Variants in ABCA7 observed in about 807,000 individuals in gnomAD.
ABCA7 encodes the protein ATP binding cassette subfamily A member 7.
Under a neutral mutation model 227.6 loss-of-function variants are expected in ABCA7, and 261 were observed. The ratio of observed to expected loss-of-function variants is 1.15; its 90% CI spans 1.04 to 1.27. The LOEUF is 1.27. Among genes scored for constraint, ABCA7 ranks in the 50% most tolerant of loss-of-function variants. The pLI is 0.00. For missense variants in ABCA7, 3,331 were observed against 2,924.5 expected, an observed-to-expected ratio of 1.14 and a Z score of -3.21; for synonymous variants, 1,488 against 1,279.7, an observed-to-expected ratio of 1.16 and a Z score of -3.47.
rs775847234 is a variant in ABCA7 at position 1,048,952 on chromosome 19, G to C, written c.2327G>C (p.Gly776Ala). The C allele has an allele frequency of 2.2e-5, 35 of 1,609,712 alleles. No individual in the cohort carries two copies. Among genetic ancestry groups the C allele is most frequent in the Non-Finnish European group, 2.7e-5 (32 of 1,178,456 alleles). Residue 776 changes from glycine (G) to alanine (A), a missense_variant, in exon 17 of 47, where the codon GGA becomes GCA. Coordinates refer to ENST00000263094, the MANE Select transcript of ABCA7 (RefSeq NM_019112.4). ...NFPFRRSYWC[G>A]PRPPKSPAPC... ...CCTTTTCGGAGGAGCTACTGGTGCG[G>C]ACCTCGGCCCCCCAAGAGTCCAGCC...
chr19:1,058,710 A>T lies in ABCA7; in HGVS notation c.5242A>T (p.Thr1748Ser), dbSNP rs1436697541. The T allele has an allele frequency of 6.2e-7, 1 of 1,613,626 alleles. No homozygotes were observed. Among genetic ancestry groups the T allele is most frequent in the East Asian group, 2.2e-5 (1 of 44,880 alleles). The change falls in exon 38 of 47, where the codon ACA becomes TCA. Residue 1748 changes from threonine to serine, a missense_variant. Coordinates refer to ENST00000263094, the MANE Select transcript of ABCA7 (RefSeq NM_019112.4). ...VIQGPLFLLFTLLLQHRSQLL... is the reference protein window; with the variant it reads ...VIQGPLFLLFSLLLQHRSQLL... ...ACAGGGGCCCCTCTTCCTTCTCTTC[A>T]CACTACTGCTGCAGCACCGAAGCCA...
rs2041947059 is a variant in ABCA7 at position 1,053,364 on chromosome 19, G to A, written c.3256G>A (p.Val1086Met). The change falls in exon 24 of 47, where the codon GTG becomes ATG. Residue 1086 changes from valine to methionine, a missense_variant. Physicochemically the swap from Val to Met is conservative, Grantham distance 21. Coordinates refer to ENST00000263094, the MANE Select transcript of ABCA7 (RefSeq NM_019112.4). ...GCTGCTGGCCCTGGTACAGCACTGG[G>A]TGCCCGGGGCACGGCTGGTGGAGGA... ...PQLLALVQHW[V>M]PGARLVEELP... 2.5e-6 allele frequency: 4 copies of A among 1,609,628 alleles called. 1 individual carries two copies. In the South Asian group the frequency reaches 4.4e-5, roughly 18 times the overall value.
chr19:1,061,721 C>A, intron 40 of ABCA7, 61 bp from the exon 41 acceptor site: 589 of 1,175,848 alleles, frequency 5.0e-4, no homozygotes, highest in Non-Finnish European at 6.3e-4. Context: ...AAAAAGAAAT[C>A]AGAGATGCCG....
rs751167421 is a variant in ABCA7, at chr19:1,058,613, C to T, written c.5150-5C>T. 1.2e-5 allele frequency: 20 copies of T among 1,613,560 alleles called. No homozygotes were observed. Among genetic ancestry groups the T allele is most frequent in the Non-Finnish European group, 1.5e-5 (18 of 1,179,938 alleles). ...GGACCCAGTCCCTCCTTTCTATATC[C>T]ACAGGAGACAGGCAGTTCCAGTCAC... On this transcript the variant is annotated splice_polypyrimidine_tract_variant and splice_region_variant and intron_variant, in intron 37 of 46. Coordinates refer to ENST00000263094, the MANE Select transcript of ABCA7 (RefSeq NM_019112.4).
intron 18 of ABCA7, among the ~76,000 whole-genome samples, chr19:1,050,081 T>G (rs886550771): frequency 2.6e-4 from 39 of 148,182 alleles, no homozygotes; most frequent in Admixed American, 2.4e-3. Context: ...ATGGCGCCAC[T>G]GCACTCCAGC....
chr19:1,057,883 G>C, intron 35 of ABCA7, 32 bp from the exon 36 acceptor site: 1 of 1,613,078 alleles, frequency 6.2e-7, no homozygotes, highest in Non-Finnish European at 8.5e-7. Flanking sequence ...CAGTCTGAGT[G>C]GTTACTCCAG....
chr19:1,051,392 G>A, intron 20 of ABCA7, 57 bp from the exon 21 acceptor site: 1 of 714,432 alleles, frequency 1.4e-6, no homozygotes, highest in Non-Finnish European at 2.0e-6. Flanking sequence ...ACGTGGGTAG[G>A]CAACCTTGCC....
chr19:1,052,411 C>T (rs542292667), intron 23 of ABCA7, 125 bp downstream of exon 23: 37 of 86,810 alleles, frequency 4.3e-4, no homozygotes, highest in Non-Finnish European at 7.4e-4. Flanking sequence ...GAGGTTGAGG[C>T]GGAGGAGGAG....
chr19:1,057,344 G>T lies in ABCA7; in HGVS notation c.4795G>T (p.Val1599Leu). 6.2e-7 allele frequency: 1 copy of T among 1,613,916 alleles called. No homozygotes were observed. Among genetic ancestry groups the T allele is most frequent in the Non-Finnish European group, 8.5e-7 (1 of 1,180,020 alleles). The change falls in exon 35 of 47, where the codon GTG (valine) becomes TTG (leucine). Residue 1599 changes from valine to leucine, a missense_variant. Val to Leu is a conservative substitution (Grantham distance 32, BLOSUM62 1). Coordinates refer to ENST00000263094, the MANE Select transcript of ABCA7 (RefSeq NM_019112.4). ...CTACTTGGTGCCAGCATGCATCGTG[G>T]TGCTCATCTTTCTGGCCTTCCAGCA... ...CNYLVPACIVVLIFLAFQQRA... is the reference protein window; with the variant it reads ...CNYLVPACIVLLIFLAFQQRA...
At position 1,046,285 on chromosome 19, in the gene ABCA7, G is replaced by T. The variant is rs1276745363; in HGVS notation, c.1501G>T (p.Gly501Cys). ...DPLTDLRYVW[G>C]GFVYLQDLVE... ...CCTGACCGACCTGCGCTACGTGTGGGGCGGCTTCGTGTACCTGCAAGACCT... is the reference window on the plus strand; with the variant it reads ...CCTGACCGACCTGCGCTACGTGTGGTGCGGCTTCGTGTACCTGCAAGACCT... Residue 501 changes from glycine to cysteine, a missense_variant, in exon 13 of 47, where the codon GGC becomes TGC. Transcript: ENST00000263094. The T allele has an allele frequency of 6.2e-7, 1 of 1,606,372 alleles. No homozygotes were observed. The highest frequency in any genetic ancestry group is 1.1e-5 in the South Asian group (1 of 91,068).
chr19:1,060,834 A>G (rs2042607186), intron 40 of ABCA7, among the ~76,000 whole-genome samples: 1 of 151,994 alleles, frequency 6.6e-6, no homozygotes, highest in Non-Finnish European at 1.5e-5. Context: ...GTATATCTTT[A>G]CTAAGCACCT....
Position 1,044,686 on chromosome 19 carries a change from G to C in ABCA7, c.1157G>C (p.Trp386Ser), listed in dbSNP as rs1243675683. 6.2e-7 allele frequency: 1 copy of C among 1,612,814 alleles called. No homozygotes were observed. ...GACCCTGGGAGCGGTGGCTACAGCT[G>C]GCAGGACGCACACGCTGATGTGGGG... Reference protein sequence around the residue: ...FLDPGSGGYSWQDAHADVGHL... With the variant: ...FLDPGSGGYSSQDAHADVGHL... Residue 386 changes from tryptophan to serine, a missense_variant, in exon 11 of 47, where the codon TGG becomes TCG. Physicochemically the swap from Trp to Ser is radical, Grantham distance 177 (BLOSUM62 -3). Transcript: ENST00000263094.
In ABCA7 at chr19:1,058,315, A is replaced by C. The variant is rs776743540; in HGVS notation, c.5149+46A>C. 10 of 1,604,380 alleles carry C rather than the reference A, an allele frequency of 6.2e-6. No individual in the cohort carries two copies. The Middle Eastern group carries it at 8.3e-4, about 132-fold the overall frequency. The stretch of plus-strand genomic sequence containing the variant: ...GGGGCCATGGCTACAGATAGCTAGC[A>C]CCCTTGGAGACCTAGAGTTAATTAT... On this transcript the variant is annotated intron_variant, in intron 37 of 46. Transcript: ENST00000263094.
At chr19:1,045,279 G>A (rs199783650) in intron 12 of ABCA7, 48 bp downstream of exon 12, 22 of 1,514,230 alleles carry the variant, frequency 1.5e-5, no homozygotes, top group Non-Finnish European at 1.9e-5. Context: ...GCGGGGCCAA[G>A]AGCGTGGTGG....
chr19:1,050,068 G>A (rs895147847), intron 18 of ABCA7, among the ~76,000 whole-genome samples: 3 of 144,376 alleles, frequency 2.1e-5, no homozygotes, highest in African/African-American at 5.4e-5. Flanking sequence ...CCTGTGAGCA[G>A]TAATGGCGCC....
rs755721075 is a variant in ABCA7, at chr19:1,041,577, C to T, written c.134C>T (p.Ser45Phe). ...LFFILVAVRHSHPPLEHHECH... is the reference protein window; with the variant it reads ...LFFILVAVRHFHPPLEHHECH... Reference sequence around the variant, plus strand: ...TTCATCCTGGTGGCTGTTCGCCACTCCCACCCGCCCCTGGAGCACCATGAA... The same window carrying T: ...TTCATCCTGGTGGCTGTTCGCCACTTCCACCCGCCCCTGGAGCACCATGAA... Residue 45 changes from serine to phenylalanine, a missense_variant, in exon 3 of 47, where the codon TCC becomes TTC. Physicochemically the swap from Ser to Phe is radical, Grantham distance 155. Transcript: ENST00000263094. 1.2e-6 allele frequency: 2 copies of T among 1,612,652 alleles called. No individual in the cohort carries two copies. The highest frequency in any genetic ancestry group is 1.1e-5 in the South Asian group (1 of 91,082).
In ABCA7 at chr19:1,055,280, G is replaced by A. The variant is rs1169974751; in HGVS notation, c.4134G>A (p.Val1378=). ...PPQAVTGSGE[V]VQNLTGRNLS... The stretch of plus-strand genomic sequence containing the variant: ...AGGCAGTGACCGGCTCTGGGGAAGT[G>A]GTTCAGAACCTGACAGGCCGGAACC... Residue 1378 remains valine, a synonymous_variant, in exon 30 of 47, where the codon GTG becomes GTA. Coordinates refer to ENST00000263094, the MANE Select transcript of ABCA7 (RefSeq NM_019112.4). 1 of 1,604,742 alleles carries A rather than the reference G, an allele frequency of 6.2e-7. No individual in the cohort carries two copies. Among genetic ancestry groups the A allele is most frequent in the Non-Finnish European group, 8.5e-7 (1 of 1,176,614 alleles).
chr19:1,054,563 C>G lies in ABCA7; in HGVS notation c.3727-7C>G, dbSNP rs1370643359. 2.6e-5 allele frequency: 42 copies of G among 1,607,090 alleles called. No homozygotes were observed. The highest frequency in any genetic ancestry group is 3.6e-5 in the Non-Finnish European group (42 of 1,176,666). On this transcript the variant is annotated splice_region_variant and splice_polypyrimidine_tract_variant and intron_variant, in intron 27 of 46. Transcript: ENST00000263094. This position sits in a 1 kb window ranked among gnomAD's most constrained non-coding sequence, Gnocchi z 4.8. ...TGGAAGCAGCAGCTGATGGGCTGGTCCCCCAGATCGTGCTGCCTGCCCTCT... is the reference window on the plus strand; with the variant it reads ...TGGAAGCAGCAGCTGATGGGCTGGTGCCCCAGATCGTGCTGCCTGCCCTCT...
chr19:1,042,536 C>T (rs996785033), intron 6 of ABCA7, 139 bp downstream of exon 6: 10 of 1,160,354 alleles, frequency 8.6e-6, no homozygotes, highest in Non-Finnish European at 1.3e-5. Context: ...TGCTGCTTGT[C>T]CGTCTGGGCC....
Sources: gnomAD v4.1 joint callset for allele counts (sites outside exome capture counted in the v4.1 genomes callset) on GRCh38, gnomAD v4.1.1 for gene constraint, Gnocchi (gnomAD v3.1) non-coding constraint, MANE v1.5 for transcripts, NCBI Gene and HGNC (gene_info 2026-07-23, HGNC 2026-07-21) for gene names.